Variants in GRID1 observed in about 807,000 individuals in gnomAD.
GRID1 encodes glutamate ionotropic receptor delta type subunit 1.
GRID1 carries 28 observed loss-of-function variants against 98.0 expected under a neutral mutation model. The ratio of observed to expected loss-of-function variants is 0.29; its 90% CI spans 0.21 to 0.39. The LOEUF is 0.39. Among genes scored for constraint, GRID1 ranks in the 10% least tolerant of loss-of-function variants. The pLI, the probability that GRID1 is intolerant of heterozygous loss-of-function variation, is 1.00. For missense variants in GRID1, 1,111 were observed against 1,340.5 expected (o/e 0.83, Z 2.67); for synonymous variants, 553 against 538.5 (o/e 1.03, Z -0.37).
At chr10:86,183,154 G>T (rs1454130367) in intron 3 of GRID1, among the ~76,000 whole-genome samples, 3 of 152,038 alleles carry the variant, frequency 2.0e-5, no homozygotes, top group African/African-American at 7.2e-5. Flanking sequence ...CCACTGATCT[G>T]CAATCTGTCA....
chr10:85,785,522 A>G (rs1235160705), intron 8 of GRID1, among the ~76,000 whole-genome samples: 1 of 152,198 alleles, frequency 6.6e-6, no homozygotes, highest in Non-Finnish European at 1.5e-5. Context: ...AAGCTGGATG[A>G]AATCTCAAGC....
At chr10:86,242,264 G>A (rs1041886000) in intron 2 of GRID1, among the ~76,000 whole-genome samples, 2 of 152,186 alleles carry the variant, frequency 1.3e-5, no homozygotes, top group Admixed American at 6.5e-5. Flanking sequence ...TACGAAGATC[G>A]GAGGAGGACA....
chr10:85,814,266 G>A (rs1376347825), intron 8 of GRID1, among the ~76,000 whole-genome samples: 2 of 151,878 alleles, frequency 1.3e-5, no homozygotes, highest in African/African-American at 2.4e-5. Context: ...TGCAACTTAT[G>A]TAATGTTGTG....
intron 13 of GRID1, among the ~76,000 whole-genome samples, chr10:85,639,975 A>G (rs1436494265): frequency 1.3e-5 from 2 of 152,232 alleles, no homozygotes; most frequent in African/African-American, 4.8e-5. Flanking sequence ...TCGACACTGG[A>G]TGCTTTAGAC....
At chr10:85,770,346 C>T (rs193124481) in intron 8 of GRID1, among the ~76,000 whole-genome samples, 97 of 151,838 alleles carry the variant, frequency 6.4e-4, no homozygotes, top group African/African-American at 2.2e-3. Flanking sequence ...TCATCAAAGA[C>T]GAAAAGTAGA....
intron 3 of GRID1, 114 bp from the exon 4 acceptor site, chr10:86,139,138 G>C: frequency 1.4e-6 from 1 of 726,704 alleles, no homozygotes; most frequent in Admixed American, 2.1e-5. Flanking sequence ...GAAAAATGAG[G>C]GTCCAAGTCA....
rs139705667 is a variant in GRID1, at chr10:86,206,371, G to C, written c.513C>G (p.Ser171Arg). The part of the protein sequence containing the change: ...RWQKFVMFYD[S>R]EYDIRGLQSF... The stretch of plus-strand genomic sequence containing the variant: ...GCCTGCCGGACAACTCACCATACTC[G>C]CTGTCGTAGAACATGACGAACTTCT... Residue 171 changes from serine (S) to arginine (R), a missense_variant, in exon 3 of 16, where the codon AGC (serine) becomes AGG (arginine). This residue lies in a region of GRID1 where 346 missense variants were observed against 452.3 expected (regional missense o/e 0.76). Transcript: ENST00000327946. This position sits in a 1 kb window ranked among gnomAD's most constrained non-coding sequence, Gnocchi z 4.1. 6.3e-7 allele frequency: 1 copy of C among 1,595,652 alleles called. No homozygotes were observed. Among genetic ancestry groups the C allele is most frequent in the African/African-American group, 1.3e-5 (1 of 74,684 alleles).
intron 2 of GRID1, among the ~76,000 whole-genome samples, chr10:86,239,402 T>C (rs1043697775): frequency 1.3e-5 from 2 of 152,332 alleles, no homozygotes; most frequent in Non-Finnish European, 1.5e-5. Flanking sequence ...CTTTGGACTG[T>C]GGACTTTTGA....
chr10:86,125,028 G>A (rs1844732520), intron 4 of GRID1, among the ~76,000 whole-genome samples: 1 of 152,236 alleles, frequency 6.6e-6, no homozygotes, highest in South Asian at 2.1e-4. Flanking sequence ...CTCCCTGCAA[G>A]TGAGACATGG....
At chr10:86,327,358 C>G (rs1848067196) in intron 2 of GRID1, among the ~76,000 whole-genome samples, 1 of 152,178 alleles carries the variant, frequency 6.6e-6, no homozygotes, top group African/African-American at 2.4e-5. Flanking sequence ...GGACGGCAGA[C>G]TTTACTCTGC....
At chr10:86,281,234 A>G (rs1847352765) in intron 2 of GRID1, among the ~76,000 whole-genome samples, 1 of 152,196 alleles carries the variant, frequency 6.6e-6, no homozygotes. Context: ...CACTTGGATA[A>G]AGAGAGGCAA....
At chr10:85,982,822 A>C (rs1661872775) in intron 4 of GRID1, among the ~76,000 whole-genome samples, 1 of 152,182 alleles carries the variant, frequency 6.6e-6, no homozygotes, top group Non-Finnish European at 1.5e-5. Context: ...CTAAGTGGCT[A>C]TTGTCACTGA....
rs986423043 is a variant in GRID1 at position 85,613,545 on chromosome 10, G to A, written c.2463C>T (p.Ala821=). Residue 821 remains alanine (A), a synonymous_variant, in exon 15 of 16, where the codon GCC becomes GCT. Coordinates refer to ENST00000327946, the MANE Select transcript of GRID1 (RefSeq NM_017551.3). ...CDLTSHASAQ[A]DGKSLKLHSF... is the part of the protein sequence containing the mutation. ...TGTGCAGCTTGAGGGATTTGCCGTC[G>A]GCCTGGGCGCTGGCATGGCTGGTGA... is the stretch of plus-strand genomic sequence containing the variant. 11 of 1,614,082 alleles carry A rather than the reference G, an allele frequency of 6.8e-6. No individual in the cohort carries two copies. Among genetic ancestry groups the A allele is most frequent in the African/African-American group, 6.7e-5 (5 of 74,942 alleles).
At chr10:85,766,403 T>C (rs1401010207) in intron 8 of GRID1, among the ~76,000 whole-genome samples, 2 of 152,100 alleles carry the variant, frequency 1.3e-5, no homozygotes, top group Non-Finnish European at 2.9e-5. Context: ...GGAGGATCAA[T>C]TGAACCCAGG....
At chr10:86,348,219 C>A (rs1419575346) in intron 2 of GRID1, among the ~76,000 whole-genome samples, 8 of 152,164 alleles carry the variant, frequency 5.3e-5, no homozygotes, top group Admixed American at 3.9e-4. Flanking sequence ...TGTGCCTAGG[C>A]CTGTACAGGC....
chr10:86,068,665 A>C lies in GRID1; in HGVS notation c.726+70154T>G, dbSNP rs1843754083. ...CAGCGACGGTGCCTCAGATACTGTC[A>C]CACACGCTCCAGCTGAATTAAAATG... On this transcript the variant is annotated intron_variant, in intron 4 of 15. Coordinates refer to ENST00000327946, the MANE Select transcript of GRID1 (RefSeq NM_017551.3). Among the ~76,000 whole-genome samples the C allele has an allele frequency of 2.0e-5, 3 of 152,332 alleles. No homozygotes were observed. The South Asian group carries it at 6.2e-4, about 32-fold the overall frequency.
At chr10:85,800,605 CTTATA>C in intron 8 of GRID1, among the ~76,000 whole-genome samples, 1 of 151,934 alleles carries the variant, frequency 6.6e-6, no homozygotes, top group South Asian at 2.1e-4. Context: ...ACTTCCAATT[CTTATA>C]TTAGAAGAGA....
intron 3 of GRID1, among the ~76,000 whole-genome samples, chr10:86,157,716 A>C (rs1046964893): frequency 2.0e-5 from 3 of 152,212 alleles, no homozygotes; most frequent in Non-Finnish European, 4.4e-5. Context: ...TGGAAAGTCC[A>C]GGGAGTGACA....
At chr10:85,739,718 T>C (rs1213610840) in intron 8 of GRID1, among the ~76,000 whole-genome samples, 1 of 152,170 alleles carries the variant, frequency 6.6e-6, no homozygotes, top group Non-Finnish European at 1.5e-5. Flanking sequence ...AAGAACTAGA[T>C]GCATCATTGT....
Sources: allele counts gnomAD v4.1 joint callset (sites outside exome capture counted in the v4.1 genomes callset), GRCh38; gene constraint gnomAD v4.1.1; regional missense constraint gnomAD v4.1.1; non-coding constraint Gnocchi (gnomAD v3.1); transcripts MANE v1.5; gene names NCBI Gene and HGNC (gene_info 2026-07-23, HGNC 2026-07-21).